Variants in SLIT3 observed in about 807,000 individuals in gnomAD.
SLIT3 encodes slit homolog 3 protein.
In SLIT3, 68 loss-of-function variants were observed where a neutral mutation model predicts 184.0. The ratio of observed to expected loss-of-function variants is 0.37; its 90% CI spans 0.30 to 0.45. The LOEUF (loss-of-function observed/expected upper bound fraction) is 0.45, where lower values mean the gene tolerates loss of function less well. Among genes scored for constraint, SLIT3 ranks in the 20% least tolerant of loss-of-function variants. SLIT3 has a pLI of 1.00. For missense variants in SLIT3, 1,707 were observed against 2,026.0 expected (o/e 0.84, Z 3.02); for synonymous variants, 831 against 828.6 (o/e 1.00, Z -0.05).
At position 169,060,506 on chromosome 5, in the gene SLIT3, G is replaced by A. The variant is rs183194000; in HGVS notation, c.413+132973C>T. Among the ~76,000 whole-genome samples, 126 of 152,352 alleles carry A rather than the reference G, an allele frequency of 8.3e-4. 2 individuals carry two copies. Among genetic ancestry groups the A allele is most frequent in the Middle Eastern group, 3.4e-3 (1 of 294 alleles). The stretch of plus-strand genomic sequence containing the variant: ...TAAGACAGCTGCTTCAGTCACTCAG[G>A]TAACCTGCACAGCACTGTGGGCATG... On this transcript the variant is annotated intron_variant, in intron 4 of 35. Coordinates refer to ENST00000519560, the MANE Select transcript of SLIT3 (RefSeq NM_003062.4).
intron 1 of SLIT3, among the ~76,000 whole-genome samples, chr5:169,266,048 C>T (rs376624622): frequency 6.6e-6 from 1 of 152,202 alleles, no homozygotes; most frequent in Admixed American, 6.5e-5. Flanking sequence ...GTATTCTTTT[C>T]TCAGCACTAA....
chr5:168,673,997 G>A (rs908551492), intron 32 of SLIT3, among the ~76,000 whole-genome samples: 1 of 152,192 alleles, frequency 6.6e-6, no homozygotes, highest in Non-Finnish European at 1.5e-5. Context: ...TATCAGCAAG[G>A]ATAAAGGTTA....
chr5:169,272,884 T>C (rs1472296871), intron 1 of SLIT3, among the ~76,000 whole-genome samples: 5 of 152,030 alleles, frequency 3.3e-5, no homozygotes, highest in African/African-American at 9.7e-5. Context: ...CCCTTTCTCT[T>C]CTTGTCATGC....
chr5:168,751,926 A>G (rs189137165), intron 18 of SLIT3, among the ~76,000 whole-genome samples: 29 of 152,176 alleles, frequency 1.9e-4, no homozygotes, highest in African/African-American at 6.5e-4. Flanking sequence ...TTTTTAGTAG[A>G]GATGGGGTTT....
chr5:169,102,341 A>G (rs1302098741), intron 4 of SLIT3, among the ~76,000 whole-genome samples: 1 of 152,172 alleles, frequency 6.6e-6, no homozygotes, highest in East Asian at 1.9e-4. Context: ...ATATTCATGA[A>G]TATATATACA....
Position 168,945,246 on chromosome 5 carries a change from A to ATTTT in SLIT3, c.414-61914_414-61911dup, listed in dbSNP as rs34333315. ...CAAAAGCTTCGTGATTGGTATCCACATTTTTTTTTTTTTGAGACAAAGTCT... is the reference window on the plus strand; with the variant it reads ...CAAAAGCTTCGTGATTGGTATCCACATTTTTTTTTTTTTTTTTGAGACAAAGTCT... On this transcript the variant is annotated intron_variant, in intron 4 of 35. Coordinates refer to ENST00000519560, the MANE Select transcript of SLIT3 (RefSeq NM_003062.4). 8.7e-3 allele frequency among the ~76,000 whole-genome samples: 1,282 copies of ATTTT among 148,068 alleles called. 16 individuals are homozygous for ATTTT. The highest frequency in any genetic ancestry group is 0.03 in the African/African-American group (1,204 of 40,388).
At chr5:168,940,878 A>T (rs1236608842) in intron 4 of SLIT3, among the ~76,000 whole-genome samples, 1 of 152,148 alleles carries the variant, frequency 6.6e-6, no homozygotes, top group Non-Finnish European at 1.5e-5. Context: ...TGCTGTGTTT[A>T]AGTGAAGCTC....
rs569962329 is a variant in SLIT3, at chr5:169,113,180, T to C, written c.413+80299A>G. Among the ~76,000 whole-genome samples, 66 of 152,314 alleles carry C rather than the reference T, an allele frequency of 4.3e-4. 1 individual carries two copies. The highest frequency in any genetic ancestry group is 1.0e-3 in the South Asian group (5 of 4,824). Reference sequence around the variant, plus strand: ...GCCGTCCCTAGAACCCTTCTCATCCTGAAAAACTGAGACTCTGGACCCATT... The same window carrying C: ...GCCGTCCCTAGAACCCTTCTCATCCCGAAAAACTGAGACTCTGGACCCATT... On this transcript the variant is annotated intron_variant, in intron 4 of 35. Transcript: ENST00000519560.
chr5:168,768,158 C>G (rs1755409657), intron 14 of SLIT3: 1 of 519,742 alleles, frequency 1.9e-6, no homozygotes, highest in Non-Finnish European at 3.9e-6. Flanking sequence ...CAGGAGAGCA[C>G]GGTGCTTTCC....
chr5:169,010,490 C>G (rs1233209939), intron 4 of SLIT3, among the ~76,000 whole-genome samples: 1 of 152,142 alleles, frequency 6.6e-6, no homozygotes, highest in African/African-American at 2.4e-5. Context: ...TTTGCTAAAT[C>G]TGGCAGCCCT....
At chr5:168,730,685 GA>G (rs1426671580) in intron 20 of SLIT3, among the ~76,000 whole-genome samples, 2 of 151,572 alleles carry the variant, frequency 1.3e-5, no homozygotes, top group Admixed American at 1.3e-4. Context: ...GAATGAAAAT[GA>G]AAAAACAACA....
Position 168,798,603 on chromosome 5 carries a change from T to C in SLIT3, c.936-3025A>G, listed in dbSNP as rs532059394. 6.3e-4 allele frequency among the ~76,000 whole-genome samples: 96 copies of C among 152,238 alleles called. 1 individual carries two copies. The highest frequency in any genetic ancestry group is 6.9e-4 in the Non-Finnish European group (47 of 68,014). On this transcript the variant is annotated intron_variant, in intron 9 of 35. Transcript: ENST00000519560. ...CACTGGCTGAACACCCAGCCCCTCC[T>C]GGAGTGCCAAGGCCATTGCATGATG...
chr5:168,719,534 C>T (rs1341514322), intron 23 of SLIT3, among the ~76,000 whole-genome samples: 4 of 152,204 alleles, frequency 2.6e-5, no homozygotes, highest in Non-Finnish European at 4.4e-5. Flanking sequence ...ATGTGATAAG[C>T]ACTTTCCCAC....
chr5:169,265,199 T>C (rs1055920585), intron 1 of SLIT3, among the ~76,000 whole-genome samples: 6 of 151,874 alleles, frequency 4.0e-5, no homozygotes, highest in Admixed American at 3.9e-4. Flanking sequence ...CAACTAGCTC[T>C]TTACTGGGAA....
chr5:169,189,170 CAT>C (rs760499809), intron 4 of SLIT3, among the ~76,000 whole-genome samples: 12 of 152,246 alleles, frequency 7.9e-5, no homozygotes, highest in Admixed American at 1.3e-4. Flanking sequence ...CTAATACACA[CAT>C]GAGTCGGATG....
chr5:168,770,083 CA>C (rs541559946), intron 14 of SLIT3, among the ~76,000 whole-genome samples: 118 of 152,334 alleles, frequency 7.7e-4, no homozygotes, highest in Middle Eastern at 3.4e-3. Flanking sequence ...CAGCACCCTG[CA>C]ACTGCCAAGT....
intron 7 of SLIT3, among the ~76,000 whole-genome samples, chr5:168,822,686 A>C (rs560468103): frequency 1.3e-5 from 2 of 152,286 alleles, no homozygotes; most frequent in South Asian, 4.1e-4. Flanking sequence ...AGCCCACCTA[A>C]GACATCAAAG....
chr5:168,799,738 C>T (rs1012565748), intron 9 of SLIT3, among the ~76,000 whole-genome samples: 1 of 152,074 alleles, frequency 6.6e-6, no homozygotes, highest in African/African-American at 2.4e-5. Context: ...TTATTGAGGG[C>T]TTTTGATATG....
Position 168,903,344 on chromosome 5 carries a change from T to C in SLIT3, c.414-20008A>G, listed in dbSNP as rs564691255. On this transcript the variant is annotated intron_variant, in intron 4 of 35. Transcript: ENST00000519560. Reference sequence around the variant, plus strand: ...GTGCAAACCTGGTGTCCCTGGAAGCTGAAATTTCCTGTTCCAGCACAGTTT... The same window carrying C: ...GTGCAAACCTGGTGTCCCTGGAAGCCGAAATTTCCTGTTCCAGCACAGTTT... Among the ~76,000 whole-genome samples the C allele has an allele frequency of 6.6e-5, 10 of 152,176 alleles. 1 individual carries two copies. In the South Asian group the frequency reaches 2.1e-3, roughly 32 times the overall value.
Sources: gnomAD v4.1 joint callset for allele counts (sites outside exome capture counted in the v4.1 genomes callset) on GRCh38, gnomAD v4.1.1 for gene constraint, MANE v1.5 for transcripts, NCBI Gene and HGNC (gene_info 2026-07-23, HGNC 2026-07-21) for gene names.